NRG1: variants seen among roughly 807,000 people sequenced by gnomAD.
The protein encoded by NRG1 is neuregulin 1.
Under a neutral mutation model 63.8 loss-of-function variants are expected in NRG1, and 18 were observed. That is an observed-to-expected ratio of 0.28 (90% CI 0.19 to 0.42). The LOEUF is 0.42. Among genes scored for constraint, NRG1 ranks in the 10% least tolerant of loss-of-function variants. The probability of loss-of-function intolerance (pLI) is 1.00; values close to 1 mark genes in which losing one functional copy is unlikely to be tolerated. For missense variants in NRG1, 762 were observed against 814.7 expected, an observed-to-expected ratio of 0.94 and a Z score of 0.79; for synonymous variants, 302 against 301.3, an observed-to-expected ratio of 1.00 and a Z score of -0.02.
chr8:32,356,623 G>A (rs1806471099), intron 1 of NRG1, among the ~76,000 whole-genome samples: 1 of 152,086 alleles, frequency 6.6e-6, no homozygotes. Flanking sequence ...ACGTGCAAAT[G>A]GGAAGATAAA....
chr8:32,173,327 G>C (rs1171241279), intron 1 of NRG1, among the ~76,000 whole-genome samples: 1 of 152,088 alleles, frequency 6.6e-6, no homozygotes. Flanking sequence ...CCCTAAAAGA[G>C]CTCCTGAAGG....
intron 1 of NRG1, among the ~76,000 whole-genome samples, chr8:32,384,906 C>G (rs1049862741): frequency 6.6e-6 from 1 of 152,214 alleles, no homozygotes; most frequent in Admixed American, 6.5e-5. Context: ...ATTCTATTCT[C>G]CTCCATTTTA....
chr8:32,503,811 T>A (rs1828181601), intron 1 of NRG1, among the ~76,000 whole-genome samples: 1 of 152,062 alleles, frequency 6.6e-6, no homozygotes, highest in Non-Finnish European at 1.5e-5. Context: ...TGAAAGGAAG[T>A]AAAGTGGAAG....
At chr8:32,024,083 T>A (rs77296938) in intron 1 of NRG1, among the ~76,000 whole-genome samples, 5,820 of 152,292 alleles carry the variant, frequency 0.038, 374 homozygotes, top group African/African-American at 0.13. Context: ...ATCCTGGGCT[T>A]CATTGCCCTG....
At chr8:32,668,756 G>T (rs1004160415) in intron 5 of NRG1, among the ~76,000 whole-genome samples, 5 of 151,918 alleles carry the variant, frequency 3.3e-5, no homozygotes, top group African/African-American at 1.2e-4. Flanking sequence ...TTCCTTCTCT[G>T]TAAGCATTGC....
intron 1 of NRG1, among the ~76,000 whole-genome samples, chr8:32,181,287 C>T (rs1038282): frequency 0.46 from 70,101 of 152,050 alleles, 18,188 homozygotes; most frequent in Admixed American, 0.59. Flanking sequence ...TTCCATAGAA[C>T]TTTTTCTAAA....
chr8:32,425,883 A>G (rs1345746680), intron 1 of NRG1, among the ~76,000 whole-genome samples: 1 of 152,208 alleles, frequency 6.6e-6, no homozygotes, highest in East Asian at 1.9e-4. Context: ...ATATAGAGGC[A>G]GGGCTGAGAG....
At chr8:32,525,389 GGGGT>G (rs1187563971) in intron 1 of NRG1, among the ~76,000 whole-genome samples, 3 of 69,712 alleles carry the variant, frequency 4.3e-5, no homozygotes, top group African/African-American at 1.4e-4. Context: ...GCATGAGGTA[GGGGT>G]GTGTGTGTGT....
chr8:32,668,855 T>G (rs868694106), intron 5 of NRG1, among the ~76,000 whole-genome samples: 24 of 152,206 alleles, frequency 1.6e-4, no homozygotes, highest in African/African-American at 4.6e-4. Context: ...GGTATGGGCC[T>G]AACTTCTGCT....
chr8:32,585,856 T>G (rs4298457), intron 1 of NRG1, among the ~76,000 whole-genome samples: 38,926 of 152,006 alleles, frequency 0.26, 5,109 homozygotes, highest in South Asian at 0.33. Context: ...TGATAGATCA[T>G]TAAATAAAAT....
chr8:32,588,477 A>G (rs1251987895), intron 1 of NRG1, among the ~76,000 whole-genome samples: 6 of 152,212 alleles, frequency 3.9e-5, no homozygotes, highest in African/African-American at 1.4e-4. Context: ...GGAAATCAAA[A>G]TGAAGCACTA....
At chr8:32,731,982 T>C (rs11785050) in intron 6 of NRG1, among the ~76,000 whole-genome samples, 6,902 of 152,284 alleles carry the variant, frequency 0.045, 195 homozygotes, top group Middle Eastern at 0.092. Flanking sequence ...GTTGTCTTCT[T>C]GGGAGTTGAA....
intron 1 of NRG1, among the ~76,000 whole-genome samples, chr8:32,281,184 C>CTTTTTTTTTTTTTTTTTTTTTTTTTT (rs35582021): frequency 2.1e-5 from 2 of 94,326 alleles, no homozygotes; most frequent in Non-Finnish European, 4.0e-5. Context: ...GTAGTTTTTC[C>CTTTTTTTTTTTTTTTTTTTTTTTTTT]TTTTTTTTTT....
At chr8:32,764,136 A>C (rs753010055) in exon 12 of NRG1, 5 of 1,614,012 alleles carry the variant, frequency 3.1e-6, no homozygotes. Context: ...AACCAAGCCC[A>C]ATGGCCACAT....
intron 1 of NRG1, among the ~76,000 whole-genome samples, chr8:32,182,149 T>G (rs1841498224): frequency 6.6e-6 from 1 of 152,122 alleles, no homozygotes; most frequent in Non-Finnish European, 1.5e-5. Flanking sequence ...CAGCCTCTGA[T>G]GAATAATAAC....
At chr8:31,986,914 G>A (rs1174801677) in intron 1 of NRG1, among the ~76,000 whole-genome samples, 1 of 152,114 alleles carries the variant, frequency 6.6e-6, no homozygotes, top group Non-Finnish European at 1.5e-5. Flanking sequence ...GAAGGCAAAA[G>A]CCATAAGTGA....
intron 1 of NRG1, among the ~76,000 whole-genome samples, chr8:31,896,321 T>C (rs1317760879): frequency 6.6e-6 from 1 of 152,186 alleles, no homozygotes; most frequent in Non-Finnish European, 1.5e-5. Flanking sequence ...AAATTAGGCT[T>C]TCTGTAATAC....
At chr8:32,126,638 A>G (rs760966970) in intron 1 of NRG1, among the ~76,000 whole-genome samples, 1 of 151,890 alleles carries the variant, frequency 6.6e-6, no homozygotes, top group Non-Finnish European at 1.5e-5. Flanking sequence ...ACATAAGCTC[A>G]TCTAAAGCCT....
Position 32,742,190 on chromosome 8 carries a change from A to G in NRG1, c.633-485A>G. On this transcript the variant is annotated intron_variant, in intron 6 of 11. Coordinates refer to ENST00000356819, the Ensembl canonical transcript of NRG1. This position sits in a 1 kb window ranked among gnomAD's most constrained non-coding sequence, Gnocchi z 4.2. ...ATTCATTTTGTTCTAATTATGGCTT[A>G]ACCTCTCAAGGCATAAACCCATTCA... is the stretch of plus-strand genomic sequence containing the variant. 2 of 863,990 alleles carry G rather than the reference A, an allele frequency of 2.3e-6. No homozygotes were observed. The highest frequency in any genetic ancestry group is 3.8e-6 in the Non-Finnish European group (2 of 528,736). The allele number at this position is 863,990 out of a possible 1,614,324, so 53.5% of individuals were successfully genotyped here.
Sources: allele counts gnomAD v4.1 joint callset (sites outside exome capture counted in the v4.1 genomes callset), GRCh38; gene constraint gnomAD v4.1.1; non-coding constraint Gnocchi (gnomAD v3.1); transcripts MANE v1.5; gene names NCBI Gene and HGNC (gene_info 2026-07-23, HGNC 2026-07-21).